The following GRIA4 variants were observed in gnomAD, a reference collection of about 807,000 sequenced individuals.
GRIA4 encodes glutamate ionotropic receptor AMPA type subunit 4, also known as glutamate receptor 4.
GRIA4 carries 34 observed loss-of-function variants against 104.0 expected under a neutral mutation model. The observed-to-expected ratio is 0.33, with a 90% CI of 0.25 to 0.44. The LOEUF is 0.44. Ranked by LOEUF, GRIA4 falls within the 20% of genes least tolerant of loss-of-function variation. The pLI is 1.00. For missense variants in GRIA4, 750 were observed against 1,096.5 expected, an observed-to-expected ratio of 0.68 and a Z score of 4.46; for synonymous variants, 386 against 381.9, an observed-to-expected ratio of 1.01 and a Z score of -0.13.
intron 4 of GRIA4, among the ~76,000 whole-genome samples, chr11:105,844,717 A>T (rs933421195): frequency 4.6e-5 from 7 of 152,204 alleles, no homozygotes; most frequent in African/African-American, 1.7e-4. Flanking sequence ...TACCATCATT[A>T]GTGCTATCCA....
intron 3 of GRIA4, among the ~76,000 whole-genome samples, chr11:105,673,486 C>G (rs182217202): frequency 6.6e-6 from 1 of 152,192 alleles, no homozygotes; most frequent in East Asian, 1.9e-4. Flanking sequence ...TTTAGATTGG[C>G]AAAATATAAA....
chr11:105,834,208 A>G (rs1385475636), intron 4 of GRIA4, among the ~76,000 whole-genome samples: 1 of 152,090 alleles, frequency 6.6e-6, no homozygotes, highest in Non-Finnish European at 1.5e-5. Context: ...ATACATAGAG[A>G]TACATAAAGA....
At chr11:105,905,860 G>A in intron 9 of GRIA4, among the ~76,000 whole-genome samples, 1 of 152,138 alleles carries the variant, frequency 6.6e-6, no homozygotes, top group South Asian at 2.1e-4. Flanking sequence ...CCTGGATTTG[G>A]GAAGATAATT....
chr11:105,774,524 C>T (rs914772491), intron 4 of GRIA4, among the ~76,000 whole-genome samples: 4 of 152,146 alleles, frequency 2.6e-5, no homozygotes, highest in East Asian at 3.9e-4. Context: ...TTTTAACATT[C>T]ATCTTGAAGT....
intron 4 of GRIA4, among the ~76,000 whole-genome samples, chr11:105,782,170 G>T (rs756469121): frequency 7.9e-5 from 12 of 152,106 alleles, no homozygotes; most frequent in Non-Finnish European, 1.5e-4. Context: ...TTCCCATAGG[G>T]AAATATATCT....
intron 4 of GRIA4, chr11:105,797,991 G>C (rs1271985434): frequency 2.9e-6 from 1 of 350,832 alleles, no homozygotes; most frequent in Non-Finnish European, 5.7e-6. Context: ...TATTTATTGA[G>C]CACCTACTAT....
intron 4 of GRIA4, among the ~76,000 whole-genome samples, chr11:105,835,928 T>C (rs1056984531): frequency 2.0e-5 from 3 of 151,986 alleles, no homozygotes; most frequent in African/African-American, 4.8e-5. Flanking sequence ...AAGTTTATCA[T>C]GATGAAGGGT....
chr11:105,897,726 T>C (rs1437490597), intron 6 of GRIA4, among the ~76,000 whole-genome samples: 1 of 152,200 alleles, frequency 6.6e-6, no homozygotes, highest in South Asian at 2.1e-4. Flanking sequence ...GCTTTGCATA[T>C]GTTAAACCAT....
intron 3 of GRIA4, among the ~76,000 whole-genome samples, chr11:105,742,730 G>T (rs1939392977): frequency 6.6e-6 from 1 of 151,956 alleles, no homozygotes; most frequent in African/African-American, 2.4e-5. Context: ...TAACACAGTT[G>T]TTACTGGAAT....
intron 16 of GRIA4, among the ~76,000 whole-genome samples, chr11:105,976,784 C>T (rs1859004193): frequency 6.6e-6 from 1 of 151,906 alleles, no homozygotes; most frequent in African/African-American, 2.4e-5. Flanking sequence ...AAACCCAGAC[C>T]ATATGTAAAA....
chr11:105,855,853 T>C (rs531168761), intron 4 of GRIA4, among the ~76,000 whole-genome samples: 3 of 152,244 alleles, frequency 2.0e-5, no homozygotes, highest in South Asian at 2.1e-4. Flanking sequence ...TTTATTATAC[T>C]ACTTTGGGTG....
chr11:105,629,827 G>C (rs1312523976), intron 3 of GRIA4, among the ~76,000 whole-genome samples: 1 of 152,074 alleles, frequency 6.6e-6, no homozygotes, highest in Non-Finnish European at 1.5e-5. Flanking sequence ...TGCCATGTTT[G>C]ATCTCTTTGG....
At chr11:105,850,011 C>G (rs72991082) in intron 4 of GRIA4, among the ~76,000 whole-genome samples, 2,103 of 152,242 alleles carry the variant, frequency 0.014, 21 homozygotes, top group Non-Finnish European at 0.022. Flanking sequence ...AATTCACCAG[C>G]ACAATTCATT....
At chr11:105,637,223 A>T (rs1458608330) in intron 3 of GRIA4, among the ~76,000 whole-genome samples, 1 of 152,186 alleles carries the variant, frequency 6.6e-6, no homozygotes, top group African/African-American at 2.4e-5. Flanking sequence ...TTGGAAGTGG[A>T]AATACATAAT....
At position 105,957,953 on chromosome 11, in the gene GRIA4, G is replaced by A. The variant is rs183608345; in HGVS notation, c.2295-13961G>A. ...ATAGGAATGCTTGTGATTTTTGGACGTTGATTTTGTATCCTGAGACTTTGC... is the reference window on the plus strand; with the variant it reads ...ATAGGAATGCTTGTGATTTTTGGACATTGATTTTGTATCCTGAGACTTTGC... On this transcript the variant is annotated intron_variant, in intron 14 of 16. Coordinates refer to ENST00000282499, the MANE Select transcript of GRIA4 (RefSeq NM_000829.4). Among the ~76,000 whole-genome samples, 266 of 152,186 alleles carry A rather than the reference G, an allele frequency of 1.7e-3. 2 individuals are homozygous for A. The highest frequency in any genetic ancestry group is 0.012 in the Admixed American group (180 of 15,298).
intron 4 of GRIA4, chr11:105,797,807 A>C (rs1423712325): frequency 2.2e-6 from 1 of 455,808 alleles, no homozygotes; most frequent in Middle Eastern, 3.4e-4. Context: ...GTGCTCTACA[A>C]CAAGAGCATA....
At chr11:105,809,656 T>C (rs1943095236) in intron 4 of GRIA4, among the ~76,000 whole-genome samples, 2 of 152,148 alleles carry the variant, frequency 1.3e-5, no homozygotes, top group South Asian at 4.1e-4. Context: ...CTCCTCTCTC[T>C]TGGTGAAGAA....
chr11:105,875,579 C>T (rs1027600085), intron 5 of GRIA4, among the ~76,000 whole-genome samples: 15 of 152,094 alleles, frequency 9.9e-5, no homozygotes, highest in African/African-American at 3.1e-4. Context: ...TAATTACTGC[C>T]TCAATTTCAG....
At chr11:105,654,586 A>C (rs952872992) in intron 3 of GRIA4, among the ~76,000 whole-genome samples, 1 of 152,124 alleles carries the variant, frequency 6.6e-6, no homozygotes, top group Non-Finnish European at 1.5e-5. Flanking sequence ...GATTGACAGT[A>C]AAAAGAAGAG....
Sources: gnomAD v4.1 joint callset for allele counts (sites outside exome capture counted in the v4.1 genomes callset) on GRCh38, gnomAD v4.1.1 for gene constraint, MANE v1.5 for transcripts, NCBI Gene and HGNC (gene_info 2026-07-23, HGNC 2026-07-21) for gene names.